ZNF28: variants seen among roughly 807,000 people sequenced by gnomAD.
The protein encoded by ZNF28 is zinc finger protein 28.
ZNF28 carries 5 observed loss-of-function variants against 7.2 expected under a neutral mutation model. That is an observed-to-expected ratio of 0.70 (90% confidence interval 0.36 to 1.46). ZNF28 has a LOEUF of 1.46. ZNF28 is among the 40% of genes most tolerant of loss of function. The pLI is 0.03. For synonymous variants in ZNF28, 288 were observed against 292.4 expected (o/e 0.99, Z 0.15); for missense variants, 879 against 866.6 (o/e 1.01, Z -0.18).
intron 2 of ZNF28, among the ~76,000 whole-genome samples, chr19:52,814,745 G>C (rs181451454): frequency 1.4e-5 from 2 of 145,880 alleles, no homozygotes; most frequent in Admixed American, 1.4e-4. Context: ...AAATTATCTG[G>C]ACATGGTGGC....
chr19:52,799,472 T>G lies in ZNF28; in HGVS notation c.*216A>C. 1 of 916,246 alleles carries G rather than the reference T, an allele frequency of 1.1e-6. No homozygotes were observed. Among genetic ancestry groups the G allele is most frequent in the Non-Finnish European group, 1.7e-6 (1 of 576,530 alleles). The allele number at this position is 916,246 out of a possible 1,614,324, so 56.8% of individuals were successfully genotyped here. On this transcript the variant is annotated 3_prime_UTR_variant, in exon 4 of 4. Coordinates refer to ENST00000457749, the MANE Select transcript of ZNF28 (RefSeq NM_006969.5). ...CTGCAGTATGAATTCTATGATGACG[T>G]GCAAGGGTTGTTTTTTGATTAAAAA...
rs1242936887 is a variant in ZNF28, at chr19:52,801,001, G to C, written c.844C>G (p.His282Asp). The C allele has an allele frequency of 1.9e-6, 3 of 1,614,060 alleles. No individual in the cohort carries two copies. ...TTGTGAAGGAAGAGGGATGTATTGT[G>C]ACCAAAGATCTTGCCACACTCATTA... is the stretch of plus-strand genomic sequence containing the variant. ...KCNECGKIFG[H>D]NTSLFLHKAL... The change falls in exon 4 of 4, where the codon CAC becomes GAC. Residue 282 changes from histidine to aspartate, a missense_variant. This residue lies in a region of ZNF28 where 864 missense variants were observed against 830.2 expected (regional missense o/e 1.04). Transcript: ENST00000457749.
intron 2 of ZNF28, among the ~76,000 whole-genome samples, chr19:52,813,249 GAAAAAAA>G (rs71183837): frequency 0.012 from 739 of 63,004 alleles, 29 homozygotes; most frequent in South Asian, 0.07. Context: ...CTTGAATGGT[GAAAAAAA>G]AAAAAAAAAA....
chr19:52,798,717 G>A lies in ZNF28; in HGVS notation c.*971C>T. 2.1e-6 allele frequency: 1 copy of A among 475,424 alleles called. No homozygotes were observed. Among genetic ancestry groups the A allele is most frequent in the Non-Finnish European group, 4.1e-6 (1 of 244,126 alleles). 29.5% of individuals were successfully genotyped at this position (475,424 alleles called of 1,614,324 possible). A position where few individuals can be genotyped will look rare whatever the true frequency, so the allele number is the denominator to read the frequency against. ...TTCTCTCCAGCATGAGTTCGATGAT[G>A]AATAGCAATATATGAACGATATCTG... On this transcript the variant is annotated 3_prime_UTR_variant, in exon 4 of 4. Coordinates refer to ENST00000457749, the MANE Select transcript of ZNF28 (RefSeq NM_006969.5).
At chr19:52,803,730 G>C (rs1288653057) in intron 3 of ZNF28, among the ~76,000 whole-genome samples, 1 of 152,140 alleles carries the variant, frequency 6.6e-6, no homozygotes, top group Non-Finnish European at 1.5e-5. Flanking sequence ...ACTTTGGTAG[G>C]CTGAGGCAGG....
At chr19:52,813,029 A>G (rs1198400303) in intron 2 of ZNF28, among the ~76,000 whole-genome samples, 2 of 151,818 alleles carry the variant, frequency 1.3e-5, no homozygotes, top group African/African-American at 4.8e-5. Flanking sequence ...AGCAATTTAT[A>G]CATTGTGAAA....
At position 52,800,725 on chromosome 19, in the gene ZNF28, G is replaced by A. The variant is rs745591883; in HGVS notation, c.1120C>T (p.Arg374Cys). The A allele has an allele frequency of 7.3e-5, 118 of 1,612,236 alleles. 1 individual carries two copies. Among genetic ancestry groups the A allele is most frequent in the Non-Finnish European group, 9.3e-5 (110 of 1,179,782 alleles). The change falls in exon 4 of 4, where the codon CGT becomes TGT. Residue 374 changes from arginine (R) to cysteine (C), a missense_variant. Arg to Cys is a radical substitution (Grantham distance 180). This residue lies in a region of ZNF28 where 864 missense variants were observed against 830.2 expected (regional missense o/e 1.04). Coordinates refer to ENST00000457749, the MANE Select transcript of ZNF28 (RefSeq NM_006969.5). Reference protein sequence around the residue: ...FNRLSTLARHRRLHTGEKPYE... With the variant: ...FNRLSTLARHCRLHTGEKPYE... Reference sequence around the variant, plus strand: ...GGTTTCTCTCCAGTATGAAGCCTACGATGGCGTGCAAGGGTTGACAGTCGA... The same window carrying A: ...GGTTTCTCTCCAGTATGAAGCCTACAATGGCGTGCAAGGGTTGACAGTCGA...
chr19:52,806,257 G>A (rs1030962942), intron 3 of ZNF28, among the ~76,000 whole-genome samples: 13 of 151,658 alleles, frequency 8.6e-5, no homozygotes, highest in African/African-American at 3.2e-4. Flanking sequence ...GCAACGGTGC[G>A]ATCTCGGCTC....
At chr19:52,817,605 C>T (rs149345840) in intron 2 of ZNF28, among the ~76,000 whole-genome samples, 1 of 152,048 alleles carries the variant, frequency 6.6e-6, no homozygotes, top group African/African-American at 2.4e-5. Flanking sequence ...CTGCTCTAAT[C>T]CTGGTCCACA....
intron 2 of ZNF28, among the ~76,000 whole-genome samples, chr19:52,812,312 G>A (rs1214562475): frequency 7.1e-6 from 1 of 141,808 alleles, no homozygotes; most frequent in Admixed American, 6.9e-5. Context: ...TGGCGGTTTT[G>A]TGGAATAGAA....
intron 2 of ZNF28, among the ~76,000 whole-genome samples, chr19:52,816,748 T>G (rs1330844424): frequency 6.6e-6 from 1 of 151,744 alleles, no homozygotes; most frequent in Non-Finnish European, 1.5e-5. Context: ...AGAGAATCGC[T>G]TCAACCTGGG....
chr19:52,799,995 C>A lies in ZNF28; in HGVS notation c.1850G>T (p.Arg617Leu). 1 of 1,613,356 alleles carries A rather than the reference C, an allele frequency of 6.2e-7. No individual in the cohort carries two copies. The highest frequency in any genetic ancestry group is 2.2e-5 in the East Asian group (1 of 44,838). ...YKCNECGKTF[R>L]QTSSLIIHRR... ...ATGGATTATAAGCGATGATGTCTGA[C>A]GGAAGGTCTTGCCACACTCATTACA... Residue 617 changes from arginine (R) to leucine (L), a missense_variant, in exon 4 of 4, where the codon CGT becomes CTT. Arg to Leu is a moderately radical substitution (Grantham distance 102, BLOSUM62 -2). Around this residue, in one of 2 missense-constraint regions of ZNF28, gnomAD observed 864 missense variants for 830.2 expected, o/e 1.04. Coordinates refer to ENST00000457749, the MANE Select transcript of ZNF28 (RefSeq NM_006969.5).
At chr19:52,801,942 C>T (rs1295273448) in intron 3 of ZNF28, among the ~76,000 whole-genome samples, 2 of 152,164 alleles carry the variant, frequency 1.3e-5, no homozygotes, top group African/African-American at 2.4e-5. Context: ...AGGGCACAAA[C>T]ATGTGTGAGC....
chr19:52,805,409 G>C (rs1350792449), intron 3 of ZNF28: 1 of 152,098 alleles, frequency 6.6e-6, no homozygotes, highest in African/African-American at 2.4e-5. Flanking sequence ...CAGATCACCA[G>C]GTCAGGAGAT....
intron 2 of ZNF28, among the ~76,000 whole-genome samples, chr19:52,812,367 G>A (rs1469878405): frequency 1.4e-5 from 2 of 140,756 alleles, no homozygotes; most frequent in Non-Finnish European, 3.0e-5. Context: ...GATGATTGCC[G>A]GGTCTGTGTG....
Position 52,801,168 on chromosome 19 carries a change from C to T in ZNF28, c.677G>A (p.Cys226Tyr). The stretch of plus-strand genomic sequence containing the variant: ...CTGATGTTTTTTTAAAAGTGAGCTA[C>T]AATTAAAGGATTTGCCACTCTCAAT... ...QCIESGKSFN[C>Y]SSLLKKHQIT... The change falls in exon 4 of 4, where the codon TGT becomes TAT. Residue 226 changes from cysteine (C) to tyrosine (Y), a missense_variant. Coordinates refer to ENST00000457749, the MANE Select transcript of ZNF28 (RefSeq NM_006969.5). The T allele has an allele frequency of 6.2e-6, 10 of 1,614,028 alleles. No individual in the cohort carries two copies. Among genetic ancestry groups the T allele is most frequent in the East Asian group, 2.2e-5 (1 of 44,878 alleles).
At chr19:52,818,078 C>G in intron 1 of ZNF28, 47 bp from the exon 2 acceptor site, 3 of 1,509,382 alleles carry the variant, frequency 2.0e-6, no homozygotes, top group Non-Finnish European at 1.8e-6. Flanking sequence ...CAACACATCC[C>G]CTCCCTGTAA....
rs1192222395 is a variant in ZNF28, at chr19:52,807,784, G to C, written c.142+223C>G. 4 of 819,922 alleles carry C rather than the reference G, an allele frequency of 4.9e-6. No individual in the cohort carries two copies. In the African/African-American group the frequency reaches 6.9e-5, roughly 14 times the overall value. 50.8% of individuals were successfully genotyped at this position (819,922 alleles called of 1,614,324 possible). ...GCCACCACGACCAGGCTGCCATAAA[G>C]TTTTATGCCTACTTTACTTCTGGAA... is the stretch of plus-strand genomic sequence containing the variant. On this transcript the variant is annotated intron_variant, in intron 3 of 3. Coordinates refer to ENST00000457749, the MANE Select transcript of ZNF28 (RefSeq NM_006969.5).
chr19:52,803,569 C>T (rs1163886059), intron 3 of ZNF28, among the ~76,000 whole-genome samples: 2 of 152,286 alleles, frequency 1.3e-5, no homozygotes, highest in South Asian at 2.1e-4. Flanking sequence ...AAAGCCAAAA[C>T]TTGTACTTAC....
Sources: allele counts gnomAD v4.1 joint callset (sites outside exome capture counted in the v4.1 genomes callset), GRCh38; gene constraint gnomAD v4.1.1; regional missense constraint gnomAD v4.1.1; transcripts MANE v1.5; gene names NCBI Gene and HGNC (gene_info 2026-07-23, HGNC 2026-07-21).